The following PKNOX2 variants were observed in gnomAD, a reference collection of about 807,000 sequenced individuals.
PKNOX2 encodes PBX/knotted 1 homeobox 2, also known as homeobox protein PKNOX2.
Under a neutral mutation model 53.1 loss-of-function variants are expected in PKNOX2, and 14 were observed. That is an observed-to-expected ratio of 0.26 (90% confidence interval 0.17 to 0.41). The LOEUF is 0.41. PKNOX2 is among the 10% of genes least tolerant of loss of function. The probability of loss-of-function intolerance (pLI) is 1.00; values close to 1 mark genes in which losing one functional copy is unlikely to be tolerated. For missense variants in PKNOX2, 496 were observed against 602.8 expected (o/e 0.82, Z 1.85); for synonymous variants, 257 against 242.8 (o/e 1.06, Z -0.54).
At chr11:125,265,564 C>T (rs1322532325) in intron 2 of PKNOX2, among the ~76,000 whole-genome samples, 1 of 152,208 alleles carries the variant, frequency 6.6e-6, no homozygotes, top group Non-Finnish European at 1.5e-5. Context: ...CTGCTGCCGC[C>T]TCACCCTGCT....
At chr11:125,356,870 G>T (rs1444593080) in intron 4 of PKNOX2, among the ~76,000 whole-genome samples, 2 of 152,242 alleles carry the variant, frequency 1.3e-5, no homozygotes, top group Non-Finnish European at 2.9e-5. Flanking sequence ...CTCCATCCAG[G>T]CCACACAGCT....
intron 2 of PKNOX2, among the ~76,000 whole-genome samples, chr11:125,247,415 C>T (rs752702075): frequency 6.6e-5 from 10 of 152,194 alleles, no homozygotes; most frequent in South Asian, 4.2e-4. Context: ...ACCAGAGGTG[C>T]CTAGCTCTAG....
At chr11:125,296,027 TTTCTCTCACACTCTCCACCCCTGGTGTC>T (rs1168836256) in intron 2 of PKNOX2, among the ~76,000 whole-genome samples, 1 of 152,092 alleles carries the variant, frequency 6.6e-6, no homozygotes, top group Non-Finnish European at 1.5e-5. Context: ...GACTCCTCTC[TTTCTCTCACACTCTCCACCCCTGGTGTC>T]TTCAGAAACC....
At chr11:125,409,878 C>G (rs1462431941) in intron 7 of PKNOX2, among the ~76,000 whole-genome samples, 1 of 152,098 alleles carries the variant, frequency 6.6e-6, no homozygotes, top group African/African-American at 2.4e-5. Context: ...GATTGGAACC[C>G]AAGCATCATT....
At chr11:125,302,694 G>A (rs997454059) in intron 2 of PKNOX2, among the ~76,000 whole-genome samples, 1 of 152,188 alleles carries the variant, frequency 6.6e-6, no homozygotes, top group East Asian at 1.9e-4. Context: ...CATACCTAAC[G>A]GGAAAGCAGA....
At chr11:125,174,531 C>A (rs139699051) in intron 1 of PKNOX2, among the ~76,000 whole-genome samples, 1 of 152,204 alleles carries the variant, frequency 6.6e-6, no homozygotes, top group Non-Finnish European at 1.5e-5. Context: ...CTGGGCTGTA[C>A]ATGCGAGGTC....
At chr11:125,209,331 G>T (rs1015342987) in intron 1 of PKNOX2, among the ~76,000 whole-genome samples, 3 of 151,968 alleles carry the variant, frequency 2.0e-5, no homozygotes, top group Admixed American at 6.6e-5. Context: ...TATGGGTCTG[G>T]GTAGATTTTG....
chr11:125,196,895 A>G (rs1281313291), intron 1 of PKNOX2, among the ~76,000 whole-genome samples: 4 of 152,226 alleles, frequency 2.6e-5, no homozygotes, highest in Non-Finnish European at 5.9e-5. Flanking sequence ...CTTTGAGAAG[A>G]GGCCTTTGTA....
At chr11:125,273,745 A>C (rs1281490604) in intron 2 of PKNOX2, among the ~76,000 whole-genome samples, 1 of 152,174 alleles carries the variant, frequency 6.6e-6, no homozygotes, top group Non-Finnish European at 1.5e-5. Context: ...AGAAAGTTTG[A>C]CTAGACCACG....
chr11:125,384,761 C>T (rs1430930255), intron 5 of PKNOX2, among the ~76,000 whole-genome samples: 4 of 152,102 alleles, frequency 2.6e-5, no homozygotes, highest in African/African-American at 9.7e-5. Context: ...AACCCCCCGC[C>T]CCGACCACCA....
At chr11:125,314,476 G>A (rs1418506477) in intron 2 of PKNOX2, among the ~76,000 whole-genome samples, 1 of 152,098 alleles carries the variant, frequency 6.6e-6, no homozygotes, top group Non-Finnish European at 1.5e-5. Context: ...TCTCCTCCTG[G>A]GAGCATGCTG....
At position 125,411,868 on chromosome 11, in the gene PKNOX2, G is replaced by A. The variant is rs756131459; in HGVS notation, c.936+3G>A. 8.7e-6 allele frequency: 14 copies of A among 1,613,988 alleles called. No individual in the cohort carries two copies. In the Admixed American group the frequency reaches 1.0e-4, roughly 12 times the overall value. On this transcript the variant is annotated splice_donor_region_variant and intron_variant, in intron 10 of 12. Transcript: ENST00000298282. ...CTTGGCTCTTCCAGCATCTCATGGTGAGTGTGTGTGTCTTGGGGGTGTGGA... is the reference window on the plus strand; with the variant it reads ...CTTGGCTCTTCCAGCATCTCATGGTAAGTGTGTGTGTCTTGGGGGTGTGGA...
chr11:125,260,232 T>A (rs1397839167), intron 2 of PKNOX2, among the ~76,000 whole-genome samples: 1 of 152,084 alleles, frequency 6.6e-6, no homozygotes, highest in Non-Finnish European at 1.5e-5. Flanking sequence ...GAAGTCTCGC[T>A]CTGTCACCCA....
intron 1 of PKNOX2, among the ~76,000 whole-genome samples, chr11:125,223,545 T>G (rs1478079353): frequency 6.6e-6 from 1 of 152,202 alleles, no homozygotes; most frequent in Non-Finnish European, 1.5e-5. Context: ...TTAATACTTC[T>G]AATCAGCTGA....
chr11:125,200,159 C>T (rs1420177655), intron 1 of PKNOX2, among the ~76,000 whole-genome samples: 5 of 152,162 alleles, frequency 3.3e-5, no homozygotes, highest in Admixed American at 6.5e-5. Flanking sequence ...AGATGGTAAC[C>T]GGAGCAGGGA....
At chr11:125,426,701 A>G (rs1266468775) in intron 10 of PKNOX2, among the ~76,000 whole-genome samples, 1 of 151,856 alleles carries the variant, frequency 6.6e-6, no homozygotes, top group Non-Finnish European at 1.5e-5. Flanking sequence ...ACAATCCTTC[A>G]ACGTTGGCCT....
intron 2 of PKNOX2, among the ~76,000 whole-genome samples, chr11:125,290,983 G>A (rs1477969736): frequency 6.6e-6 from 1 of 152,102 alleles, no homozygotes; most frequent in Admixed American, 6.5e-5. Flanking sequence ...TCCGGCAGAA[G>A]GAGCTGAGAC....
Position 125,403,974 on chromosome 11 carries a change from A to C in PKNOX2, c.588+5912A>C, listed in dbSNP as rs114951794. On this transcript the variant is annotated intron_variant, in intron 7 of 12. Transcript: ENST00000298282. ...TGAGAAGGGTGGCACTTGCCTATTG[A>C]CCTCTAAGGAATTTTGGATTTTCCA... 2.4e-3 allele frequency among the ~76,000 whole-genome samples: 368 copies of C among 152,264 alleles called. 3 individuals carry two copies. Among genetic ancestry groups the C allele is most frequent in the African/African-American group, 8.4e-3 (347 of 41,544 alleles).
chr11:125,324,982 C>T (rs1949749659), intron 2 of PKNOX2, among the ~76,000 whole-genome samples: 1 of 152,142 alleles, frequency 6.6e-6, no homozygotes, highest in Non-Finnish European at 1.5e-5. Context: ...CAGGGCCTTG[C>T]AGAGATGTTC....
Sources: allele counts gnomAD v4.1 joint callset (sites outside exome capture counted in the v4.1 genomes callset), GRCh38; gene constraint gnomAD v4.1.1; transcripts MANE v1.5; gene names NCBI Gene and HGNC (gene_info 2026-07-23, HGNC 2026-07-21).